Variants in CADPS2 observed in about 807,000 individuals in gnomAD.
The protein encoded by CADPS2 is calcium-dependent secretion activator 2.
Under a neutral mutation model 172.5 loss-of-function variants are expected in CADPS2, and 93 were observed. The ratio of observed to expected loss-of-function variants is 0.54; its 90% CI spans 0.46 to 0.64. CADPS2 has a LOEUF of 0.64. Ranked by LOEUF, CADPS2 falls within the 30% of genes least tolerant of loss-of-function variation. The pLI is 0.00. For synonymous variants in CADPS2, 546 were observed against 555.2 expected (o/e 0.98, Z 0.23); for missense variants, 1,420 against 1,565.9 (o/e 0.91, Z 1.57).
intron 9 of CADPS2, among the ~76,000 whole-genome samples, chr7:122,497,770 T>A (rs2058859400): frequency 6.6e-6 from 1 of 152,220 alleles, no homozygotes; most frequent in Non-Finnish European, 1.5e-5. Context: ...TGAAAATATA[T>A]CCTTTTGAAA....
At chr7:122,816,480 T>A (rs1426328663) in intron 1 of CADPS2, among the ~76,000 whole-genome samples, 1 of 152,242 alleles carries the variant, frequency 6.6e-6, no homozygotes, top group Non-Finnish European at 1.5e-5. Context: ...CTATTGTGAA[T>A]AGTGCTGCAA....
At chr7:122,591,996 TTAAAC>T (rs538434604) in intron 6 of CADPS2, among the ~76,000 whole-genome samples, 14,639 of 151,900 alleles carry the variant, frequency 0.096, 791 homozygotes, top group African/African-American at 0.15. Context: ...TGGGATCTAA[TTAAAC>T]TAAAGAGCTT....
At chr7:122,702,859 T>A in intron 2 of CADPS2, 1 of 760,466 alleles carries the variant, frequency 1.3e-6, no homozygotes, top group Non-Finnish European at 2.1e-6. Context: ...AGCACATAAA[T>A]GGAAAAGGTC....
intron 2 of CADPS2, among the ~76,000 whole-genome samples, chr7:122,731,274 A>G (rs990661865): frequency 1.3e-5 from 2 of 151,788 alleles, no homozygotes; most frequent in South Asian, 2.1e-4. Flanking sequence ...TCTAGCATCC[A>G]TATTTTGTAC....
At chr7:122,326,158 A>T (rs1379567595) in intron 28 of CADPS2, among the ~76,000 whole-genome samples, 1 of 152,074 alleles carries the variant, frequency 6.6e-6, no homozygotes, top group Non-Finnish European at 1.5e-5. Context: ...GCTCTTTTAA[A>T]ACCATCTAAA....
chr7:122,324,360 ATATTT>A (rs533598102), intron 29 of CADPS2, among the ~76,000 whole-genome samples: 349 of 152,316 alleles, frequency 2.3e-3, no homozygotes, highest in Admixed American at 4.1e-3. Context: ...AATAAAGAAA[ATATTT>A]TAATGTGGCT....
chr7:122,524,702 G>A (rs1328922216), intron 8 of CADPS2, among the ~76,000 whole-genome samples: 1 of 152,180 alleles, frequency 6.6e-6, no homozygotes, highest in Non-Finnish European at 1.5e-5. Context: ...CACATACTTT[G>A]AGAAATTAAC....
chr7:122,533,212 A>C (rs1375054620), intron 8 of CADPS2, among the ~76,000 whole-genome samples: 1 of 152,116 alleles, frequency 6.6e-6, no homozygotes, highest in East Asian at 1.9e-4. Flanking sequence ...TTCTAGATAA[A>C]ACCAATAATA....
chr7:122,860,200 A>G (rs901198849), intron 1 of CADPS2, among the ~76,000 whole-genome samples: 5 of 152,258 alleles, frequency 3.3e-5, no homozygotes, highest in African/African-American at 9.6e-5. Context: ...ATGTGCTCCT[A>G]TCTCTAGATT....
chr7:122,736,875 T>C, intron 2 of CADPS2, 80 bp downstream of exon 2: 1 of 734,306 alleles, frequency 1.4e-6, no homozygotes, highest in Non-Finnish European at 2.3e-6. Flanking sequence ...CAAGCTTCTT[T>C]AAAATGAGAA....
intron 4 of CADPS2, among the ~76,000 whole-genome samples, chr7:122,627,096 G>A (rs1020633147): frequency 2.6e-5 from 4 of 152,214 alleles, no homozygotes; most frequent in Non-Finnish European, 5.9e-5. Context: ...AGGATGTTAA[G>A]AGAGCGAGCC....
chr7:122,781,750 C>A (rs1792792097), intron 1 of CADPS2, among the ~76,000 whole-genome samples: 1 of 152,206 alleles, frequency 6.6e-6, no homozygotes, highest in Non-Finnish European at 1.5e-5. Context: ...AATGAATTTA[C>A]ACTGTTTTAT....
chr7:122,791,073 G>A (rs532798058), intron 1 of CADPS2, among the ~76,000 whole-genome samples: 3 of 152,250 alleles, frequency 2.0e-5, no homozygotes, highest in South Asian at 2.1e-4. Context: ...GTTCTTAAAC[G>A]TTGTGGGCCA....
intron 1 of CADPS2, among the ~76,000 whole-genome samples, chr7:122,825,044 CAT>C (rs1237811754): frequency 2.0e-5 from 3 of 152,124 alleles, no homozygotes; most frequent in East Asian, 1.9e-4. Flanking sequence ...AAACAATCCA[CAT>C]GTCTTTCAAA....
intron 1 of CADPS2, among the ~76,000 whole-genome samples, chr7:122,821,799 TC>T (rs1803384958): frequency 6.6e-6 from 1 of 152,138 alleles, no homozygotes; most frequent in South Asian, 2.1e-4. Context: ...CTCACCAAGC[TC>T]AGCCACCAAC....
At chr7:122,856,472 C>T (rs529299959) in intron 1 of CADPS2, among the ~76,000 whole-genome samples, 1 of 152,190 alleles carries the variant, frequency 6.6e-6, no homozygotes, top group South Asian at 2.1e-4. Flanking sequence ...CTCATTCATG[C>T]TGTAGTTCCC....
intron 6 of CADPS2, among the ~76,000 whole-genome samples, chr7:122,581,650 G>T (rs1379309249): frequency 6.6e-6 from 1 of 151,996 alleles, no homozygotes; most frequent in Non-Finnish European, 1.5e-5. Context: ...ATTGCTCAGG[G>T]TTTGTTTACG....
chr7:122,465,467 G>T (rs375015916), intron 14 of CADPS2, among the ~76,000 whole-genome samples: 1 of 152,110 alleles, frequency 6.6e-6, no homozygotes, highest in Non-Finnish European at 1.5e-5. Context: ...GGAGGTGAGC[G>T]GCAGGCAAGC....
chr7:122,623,517 T>C (rs1289620512), intron 4 of CADPS2, among the ~76,000 whole-genome samples: 1 of 152,184 alleles, frequency 6.6e-6, no homozygotes, highest in African/African-American at 2.4e-5. Context: ...ACAATAAAGC[T>C]ACATGTTACC....
Sources: gnomAD v4.1 joint callset for allele counts (sites outside exome capture counted in the v4.1 genomes callset) on GRCh38, gnomAD v4.1.1 for gene constraint, MANE v1.5 for transcripts, NCBI Gene and HGNC (gene_info 2026-07-23, HGNC 2026-07-21) for gene names.